TSGA10: variants seen among roughly 807,000 people sequenced by gnomAD.
TSGA10 encodes the protein testis specific 10.
TSGA10 carries 43 observed loss-of-function variants against 96.6 expected under a neutral mutation model. The ratio of observed to expected loss-of-function variants is 0.44; its 90% confidence interval spans 0.35 to 0.57. The LOEUF is 0.57. Among genes scored for constraint, TSGA10 ranks in the 20% least tolerant of loss-of-function variants. The probability of loss-of-function intolerance (pLI) is 0.01; values close to 1 mark genes in which losing one functional copy is unlikely to be tolerated. For synonymous variants in TSGA10, 229 were observed against 269.9 expected (o/e 0.85, Z 1.48); for missense variants, 703 against 834.4 (o/e 0.84, Z 1.94).
chr2:99,019,221 G>A lies in TSGA10; in HGVS notation c.1818-581C>T, dbSNP rs1383733213. ...ACAGAACATTCTATCCTCTTCACTT[G>A]CTTTCAGGATAGTATCATAGACTGC... On this transcript the variant is annotated intron_variant, in intron 18 of 20. Transcript: ENST00000393483. 3.3e-5 allele frequency among the ~76,000 whole-genome samples: 5 copies of A among 152,156 alleles called. No homozygotes were observed. In the East Asian group the frequency reaches 7.7e-4, roughly 23 times the overall value.
At chr2:99,141,657 C>T (rs1379245203) in intron 1 of TSGA10, 1 of 152,872 alleles carries the variant, frequency 6.5e-6, no homozygotes, top group Admixed American at 6.5e-5. Flanking sequence ...ATTTCTTAAT[C>T]TCTGCCTGAG....
At chr2:99,132,356 G>A (rs1205623375) in intron 1 of TSGA10, among the ~76,000 whole-genome samples, 1 of 151,704 alleles carries the variant, frequency 6.6e-6, no homozygotes, top group African/African-American at 2.4e-5. Context: ...AGTCCTGGAA[G>A]GGTATATACC....
chr2:99,129,059 A>G (rs1206394577), intron 1 of TSGA10, among the ~76,000 whole-genome samples: 1 of 152,144 alleles, frequency 6.6e-6, no homozygotes, highest in Admixed American at 6.5e-5. Flanking sequence ...CTTAATACAT[A>G]TATTCAAAAG....
intron 2 of TSGA10, among the ~76,000 whole-genome samples, chr2:99,123,088 T>G (rs2092662024): frequency 6.6e-6 from 1 of 152,220 alleles, no homozygotes; most frequent in African/African-American, 2.4e-5. Flanking sequence ...TGCCACTTCC[T>G]TCTTACCTCC....
rs145668837 is a variant in TSGA10, at chr2:99,020,417, C to G, written c.1680G>C (p.Glu560Asp). 6.2e-7 allele frequency: 1 copy of G among 1,613,704 alleles called. No individual in the cohort carries two copies. The highest frequency in any genetic ancestry group is 1.3e-5 in the African/African-American group (1 of 74,886). ...IELLRSQMAN[E>D]RISMQNLEAL... ...CTTCTAGATTCTGCATGGAGATTCTCTCATTTGCCATCTGACTCCTCAGGA... is the reference window on the plus strand; with the variant it reads ...CTTCTAGATTCTGCATGGAGATTCTGTCATTTGCCATCTGACTCCTCAGGA... Residue 560 changes from glutamate to aspartate, a missense_variant, in exon 18 of 21, where the codon GAG (glutamate) becomes GAC (aspartate). Glu to Asp is a conservative substitution (Grantham distance 45). Around this residue, in one of 3 missense-constraint regions of TSGA10, gnomAD observed 49 missense variants for 96.4 expected, o/e 0.51. Coordinates refer to ENST00000393483, the MANE Select transcript of TSGA10 (RefSeq NM_025244.4).
chr2:99,028,922 G>A (rs1228279973), intron 17 of TSGA10, among the ~76,000 whole-genome samples: 2 of 151,964 alleles, frequency 1.3e-5, no homozygotes, highest in African/African-American at 2.4e-5. Flanking sequence ...AAAGTTTTAC[G>A]TAAAAAAATT....
At chr2:99,062,096 G>C (rs1345006344) in intron 16 of TSGA10, among the ~76,000 whole-genome samples, 2 of 152,168 alleles carry the variant, frequency 1.3e-5, no homozygotes, top group Non-Finnish European at 2.9e-5. Context: ...TACAGAGGAA[G>C]ATTTTAACAT....
intron 20 of TSGA10, among the ~76,000 whole-genome samples, chr2:99,000,748 T>C (rs911274240): frequency 1.3e-5 from 2 of 151,842 alleles, no homozygotes; most frequent in African/African-American, 4.8e-5. Flanking sequence ...TTCCCTTTCC[T>C]AGTGCTCGGG....
intron 16 of TSGA10, among the ~76,000 whole-genome samples, chr2:99,051,761 T>C (rs1399537955): frequency 6.6e-6 from 1 of 151,722 alleles, no homozygotes; most frequent in Non-Finnish European, 1.5e-5. Context: ...TTTTTTAAGC[T>C]GTAAAAATAT....
intron 10 of TSGA10, among the ~76,000 whole-genome samples, chr2:99,083,208 T>C (rs1189402501): frequency 1.3e-5 from 2 of 152,150 alleles, no homozygotes; most frequent in African/African-American, 4.8e-5. Flanking sequence ...AACCTGTATC[T>C]ATTAAGACAA....
chr2:99,098,438 C>CA (rs59144676), intron 10 of TSGA10, among the ~76,000 whole-genome samples: 6,057 of 92,418 alleles, frequency 0.066, 391 homozygotes, highest in African/African-American at 0.14. Context: ...GACTCTGCCT[C>CA]AAAAAAAAAA....
At chr2:99,054,155 T>C (rs1241947981) in intron 16 of TSGA10, among the ~76,000 whole-genome samples, 1 of 152,156 alleles carries the variant, frequency 6.6e-6, no homozygotes, top group Admixed American at 6.5e-5. Flanking sequence ...CAAAACAGAA[T>C]GGTAGTGCCA....
intron 15 of TSGA10, among the ~76,000 whole-genome samples, chr2:99,066,344 T>C (rs2085262479): frequency 6.6e-6 from 1 of 152,210 alleles, no homozygotes; most frequent in African/African-American, 2.4e-5. Context: ...CTAACAATCA[T>C]AGTTGTGTAC....
At chr2:99,139,183 A>G (rs778746349) in intron 1 of TSGA10, among the ~76,000 whole-genome samples, 15 of 152,076 alleles carry the variant, frequency 9.9e-5, no homozygotes, top group Non-Finnish European at 2.1e-4. Flanking sequence ...GAATCACTTG[A>G]GCCCGGGAGG....
intron 1 of TSGA10, among the ~76,000 whole-genome samples, chr2:99,144,838 G>T (rs1362537108): frequency 6.6e-6 from 1 of 152,008 alleles, no homozygotes. Context: ...AAGTGCAAAG[G>T]TCCTGAAGCA....
chr2:99,033,367 T>C (rs1441444133), intron 17 of TSGA10, among the ~76,000 whole-genome samples: 3 of 152,222 alleles, frequency 2.0e-5, no homozygotes, highest in Non-Finnish European at 4.4e-5. Context: ...GGTGTATCAC[T>C]GGCCAGAGTT....
At chr2:99,069,308 C>G (rs546946698) in intron 14 of TSGA10, among the ~76,000 whole-genome samples, 21 of 152,122 alleles carry the variant, frequency 1.4e-4, no homozygotes, top group African/African-American at 5.1e-4. Context: ...AGCTATTCAG[C>G]TATGGTAAAG....
chr2:99,045,287 T>C (rs1246208187), intron 16 of TSGA10, among the ~76,000 whole-genome samples: 9 of 152,006 alleles, frequency 5.9e-5, no homozygotes, highest in Non-Finnish European at 1.3e-4. Context: ...AATTGTCAGA[T>C]TCACCAAAAT....
intron 11 of TSGA10, among the ~76,000 whole-genome samples, chr2:99,080,703 A>G (rs538056602): frequency 6.6e-6 from 1 of 152,142 alleles, no homozygotes; most frequent in Non-Finnish European, 1.5e-5. Context: ...AGTGTTAACA[A>G]TATTTCCTCT....
Sources: allele counts gnomAD v4.1 joint callset (sites outside exome capture counted in the v4.1 genomes callset), GRCh38; gene constraint gnomAD v4.1.1; regional missense constraint gnomAD v4.1.1; transcripts MANE v1.5; gene names NCBI Gene and HGNC (gene_info 2026-07-23, HGNC 2026-07-21).